Variants in KIAA1328 observed in about 807,000 individuals in gnomAD.
KIAA1328 encodes the protein protein hinderin.
A neutral mutation model predicts 68.1 loss-of-function variants in KIAA1328; 52 were observed. The ratio of observed to expected loss-of-function variants is 0.76; its 90% CI spans 0.61 to 0.96. KIAA1328 has a LOEUF of 0.96. Among genes scored for constraint, KIAA1328 ranks in the 40% least tolerant of loss-of-function variants. KIAA1328 has a pLI of 0.00. For missense variants in KIAA1328, 641 were observed against 677.6 expected (o/e 0.95, Z 0.60); for synonymous variants, 232 against 239.4 (o/e 0.97, Z 0.28).
chr18:37,025,288 C>A (rs2054524116), intron 6 of KIAA1328, among the ~76,000 whole-genome samples: 1 of 152,086 alleles, frequency 6.6e-6, no homozygotes, highest in Non-Finnish European at 1.5e-5. Context: ...ACTTTAACCC[C>A]CCACTGTCAA....
intron 6 of KIAA1328, among the ~76,000 whole-genome samples, chr18:36,970,951 T>C (rs2052178580): frequency 6.6e-6 from 1 of 152,152 alleles, no homozygotes; most frequent in African/African-American, 2.4e-5. Context: ...AAAAAACTAC[T>C]TTAAATTTCA....
intron 4 of KIAA1328, among the ~76,000 whole-genome samples, chr18:36,882,076 G>A (rs745306512): frequency 3.9e-5 from 6 of 152,132 alleles, no homozygotes; most frequent in African/African-American, 7.2e-5. Flanking sequence ...AAGGGTTTTC[G>A]TTTTTCTGCA....
chr18:36,951,761 C>T (rs1171677822), intron 5 of KIAA1328, among the ~76,000 whole-genome samples: 1 of 152,192 alleles, frequency 6.6e-6, no homozygotes, highest in Non-Finnish European at 1.5e-5. Flanking sequence ...TCTTGTCACC[C>T]AGTTCATAAG....
Position 37,027,469 on chromosome 18 carries a change from G to A in KIAA1328, c.577-39421G>A, listed in dbSNP as rs568188023. Among the ~76,000 whole-genome samples, 4 of 152,172 alleles carry A rather than the reference G, an allele frequency of 2.6e-5. No individual in the cohort carries two copies. In the East Asian group the frequency reaches 7.7e-4, roughly 29 times the overall value. ...ATCACGCTACCTGACTTCAAACTAT[G>A]CTACAAGGCTACAGTAACCAAAACA... is the stretch of plus-strand genomic sequence containing the variant. On this transcript the variant is annotated intron_variant, in intron 6 of 9. Coordinates refer to ENST00000280020, the MANE Select transcript of KIAA1328 (RefSeq NM_020776.3).
intron 9 of KIAA1328, among the ~76,000 whole-genome samples, chr18:37,200,136 A>G (rs1331968726): frequency 6.6e-6 from 1 of 152,234 alleles, no homozygotes; most frequent in Non-Finnish European, 1.5e-5. Context: ...CTGAGGCACA[A>G]CATACAATTT....
At chr18:37,208,026 C>A (rs916514889) in intron 9 of KIAA1328, among the ~76,000 whole-genome samples, 3 of 152,128 alleles carry the variant, frequency 2.0e-5, no homozygotes, top group African/African-American at 7.2e-5. Context: ...CCAGGCTGGT[C>A]TCGAACTGCC....
At chr18:37,147,822 T>C (rs368779076) in intron 7 of KIAA1328, among the ~76,000 whole-genome samples, 164 of 152,274 alleles carry the variant, frequency 1.1e-3, no homozygotes, top group Middle Eastern at 6.8e-3. Flanking sequence ...TATGTGTCAG[T>C]TAGTGATAGG....
chr18:36,843,017 A>G (rs1034027491), intron 3 of KIAA1328, among the ~76,000 whole-genome samples: 3 of 151,984 alleles, frequency 2.0e-5, no homozygotes, highest in African/African-American at 7.2e-5. Flanking sequence ...TAAAATACTA[A>G]TATTTTTTCT....
In KIAA1328 at chr18:37,220,827, G is replaced by T. The variant is rs1330414418; in HGVS notation, c.1524-1190G>T. Among the ~76,000 whole-genome samples the T allele has an allele frequency of 1.1e-4, 16 of 152,142 alleles. 1 individual carries two copies. Among genetic ancestry groups the T allele is most frequent in the Admixed American group, 7.9e-4 (12 of 15,268 alleles). ...CAAACTGTTTTTGTTTGTTTGGTTG[G>T]TTGGTTGGTTGGTTTTTTGTTTGTT... On this transcript the variant is annotated intron_variant, in intron 9 of 9. Transcript: ENST00000280020.
At chr18:36,946,507 A>G (rs1304108462) in intron 5 of KIAA1328, 1 of 152,188 alleles carries the variant, frequency 6.6e-6, no homozygotes, top group Non-Finnish European at 1.5e-5. Flanking sequence ...GCTTTCCAAC[A>G]AGACCCACAG....
At chr18:36,917,322 A>G (rs139643960) in intron 5 of KIAA1328, among the ~76,000 whole-genome samples, 5 of 152,074 alleles carry the variant, frequency 3.3e-5, no homozygotes, top group South Asian at 2.1e-4. Context: ...AGCTCAAGCA[A>G]TCCTCCTTCC....
At chr18:37,084,866 C>T (rs767743259) in intron 7 of KIAA1328, among the ~76,000 whole-genome samples, 2 of 152,260 alleles carry the variant, frequency 1.3e-5, no homozygotes, top group Non-Finnish European at 2.9e-5. Flanking sequence ...GCTGGCCTAG[C>T]GGCTAGGTCT....
At chr18:37,094,220 G>A (rs1478973758) in intron 7 of KIAA1328, among the ~76,000 whole-genome samples, 7 of 152,150 alleles carry the variant, frequency 4.6e-5, no homozygotes, top group East Asian at 1.9e-4. Flanking sequence ...AGTAATGCTC[G>A]CTTGCCTACC....
intron 3 of KIAA1328, among the ~76,000 whole-genome samples, chr18:36,836,113 G>C (rs1353917354): frequency 2.0e-5 from 3 of 152,104 alleles, no homozygotes; most frequent in Admixed American, 2.0e-4. Context: ...ACCTTTTATA[G>C]AAAACTTTTT....
intron 9 of KIAA1328, among the ~76,000 whole-genome samples, chr18:37,204,964 T>TGTG (rs2060190045): frequency 2.0e-5 from 3 of 151,728 alleles, no homozygotes; most frequent in African/African-American, 7.3e-5. Context: ...CTTTTGACCT[T>TGTG]GTTGTTGTTG....
At chr18:37,075,176 T>A (rs2056675965) in intron 7 of KIAA1328, 1 of 151,802 alleles carries the variant, frequency 6.6e-6, no homozygotes, top group Non-Finnish European at 1.5e-5. Context: ...GGGGCCAATA[T>A]TCAACATTCT....
At chr18:36,966,525 G>C (rs1231322294) in intron 6 of KIAA1328, among the ~76,000 whole-genome samples, 1 of 152,090 alleles carries the variant, frequency 6.6e-6, no homozygotes, top group African/African-American at 2.4e-5. Flanking sequence ...AATTAAGTTA[G>C]TGGAAAGGAA....
chr18:37,048,508 G>A (rs1272244690), intron 6 of KIAA1328, among the ~76,000 whole-genome samples: 1 of 151,992 alleles, frequency 6.6e-6, no homozygotes, highest in Non-Finnish European at 1.5e-5. Context: ...CTTACTCTAG[G>A]TTGATACAGC....
chr18:36,916,603 A>C (rs2049710421), intron 5 of KIAA1328, among the ~76,000 whole-genome samples: 1 of 152,130 alleles, frequency 6.6e-6, no homozygotes, highest in Non-Finnish European at 1.5e-5. Flanking sequence ...CACTTGTACC[A>C]GTCATTGTCC....
Sources: allele counts gnomAD v4.1 joint callset (sites outside exome capture counted in the v4.1 genomes callset), GRCh38; gene constraint gnomAD v4.1.1; transcripts MANE v1.5; gene names NCBI Gene and HGNC (gene_info 2026-07-23, HGNC 2026-07-21).